The following ZDHHC14 variants were observed in gnomAD, a reference collection of about 807,000 sequenced individuals.
ZDHHC14 encodes palmitoyltransferase ZDHHC14.
In ZDHHC14, 16 loss-of-function variants were observed where a neutral mutation model predicts 47.7. That is an observed-to-expected ratio of 0.34 (90% CI 0.23 to 0.51). The LOEUF (loss-of-function observed/expected upper bound fraction) is 0.51, where lower values mean the gene tolerates loss of function less well. Ranked by LOEUF, ZDHHC14 falls within the 20% of genes least tolerant of loss-of-function variation. The probability of loss-of-function intolerance (pLI) is 0.97; values close to 1 mark genes in which losing one functional copy is unlikely to be tolerated. For synonymous variants in ZDHHC14, 293 were observed against 278.9 expected (o/e 1.05, Z -0.50); for missense variants, 515 against 662.5 (o/e 0.78, Z 2.44).
intron 2 of ZDHHC14, among the ~76,000 whole-genome samples, chr6:157,549,346 T>TA (rs1782126806): frequency 6.6e-6 from 1 of 152,186 alleles, no homozygotes; most frequent in African/African-American, 2.4e-5. Context: ...CCAGACAATC[T>TA]AACTCCCCTC....
intron 1 of ZDHHC14, among the ~76,000 whole-genome samples, chr6:157,469,116 G>A (rs907092232): frequency 1.3e-5 from 2 of 152,202 alleles, no homozygotes; most frequent in Non-Finnish European, 2.9e-5. Flanking sequence ...CTGCAGCTGG[G>A]ACAGCAGGCA....
intron 1 of ZDHHC14, among the ~76,000 whole-genome samples, chr6:157,477,267 C>G (rs1779511802): frequency 6.6e-6 from 1 of 152,136 alleles, no homozygotes; most frequent in Non-Finnish European, 1.5e-5. Context: ...GTAATCGCAG[C>G]TACTCGAGAG....
Position 157,653,531 on chromosome 6 carries a change from C to A in ZDHHC14, c.972C>A (p.Ile324=). The A allele has an allele frequency of 6.2e-7, 1 of 1,613,634 alleles. No homozygotes were observed. The highest frequency in any genetic ancestry group is 8.5e-7 in the Non-Finnish European group (1 of 1,179,868). The change falls in exon 8 of 9, where the codon ATC becomes ATA. Residue 324 remains isoleucine, a synonymous_variant. Transcript: ENST00000359775. ...ALCGPISPSL[I]DRRGYIQPDT... is the part of the protein sequence containing the mutation. ...GTTTTCTTTTCTCTCGCAGCCTGATCGACAGAAGAGGGTACATCCAGCCCG... is the reference window on the plus strand; with the variant it reads ...GTTTTCTTTTCTCTCGCAGCCTGATAGACAGAAGAGGGTACATCCAGCCCG...
chr6:157,638,311 A>C (rs1210970556), intron 5 of ZDHHC14, among the ~76,000 whole-genome samples: 6 of 151,692 alleles, frequency 4.0e-5, no homozygotes, highest in African/African-American at 1.2e-4. Flanking sequence ...TCCTCCTCCT[A>C]CTCCTTCCTT....
chr6:157,659,722 G>C lies in ZDHHC14; in HGVS notation c.1068+6095G>C, dbSNP rs376622033. 4.5e-4 allele frequency among the ~76,000 whole-genome samples: 68 copies of C among 152,326 alleles called. 1 individual carries two copies. The highest frequency in any genetic ancestry group is 1.3e-3 in the African/African-American group (56 of 41,580). ...GCCTTGGAAAGCCTGCAGCACCGTC[G>C]CTAAGAGCAAGTGGTCTGGCAAGTT... On this transcript the variant is annotated intron_variant, in intron 8 of 8. Coordinates refer to ENST00000359775, the MANE Select transcript of ZDHHC14 (RefSeq NM_024630.3).
Position 157,569,441 on chromosome 6 carries a change from G to A in ZDHHC14, c.407-23547G>A, listed in dbSNP as rs983531182. ...AAAGGCTGTATTTATCAGATACTAAGTCTTAGAAAATTTGTCTATTGGGGA... is the reference window on the plus strand; with the variant it reads ...AAAGGCTGTATTTATCAGATACTAAATCTTAGAAAATTTGTCTATTGGGGA... On this transcript the variant is annotated intron_variant, in intron 2 of 8. Transcript: ENST00000359775. Among the ~76,000 whole-genome samples the A allele has an allele frequency of 9.2e-5, 14 of 151,990 alleles. No homozygotes were observed. In the East Asian group the frequency reaches 2.7e-3, roughly 29 times the overall value.
In ZDHHC14 at chr6:157,673,174, G is replaced by C; in HGVS notation, c.*52G>C. On this transcript the variant is annotated 3_prime_UTR_variant, in exon 9 of 9. Transcript: ENST00000359775. This position sits in a 1 kb window ranked among gnomAD's most constrained non-coding sequence, Gnocchi z 5.4. ...CCAGAGGCTCCTCCATGGGCAGCAGGAGTGAGCGGAGGGGTGTGTCCCACA... is the reference window on the plus strand; with the variant it reads ...CCAGAGGCTCCTCCATGGGCAGCAGCAGTGAGCGGAGGGGTGTGTCCCACA... 6.6e-7 allele frequency: 1 copy of C among 1,505,464 alleles called. No individual in the cohort carries two copies. The allele number at this position is 1,505,464 out of a possible 1,614,324, so 93.3% of individuals were successfully genotyped here.
intron 4 of ZDHHC14, 95 bp downstream of exon 4, chr6:157,628,581 G>A: frequency 5.3e-6 from 8 of 1,497,780 alleles, no homozygotes; most frequent in Non-Finnish European, 7.2e-6. Context: ...GTCATTTCGG[G>A]CTTTCTCTTT....
At chr6:157,592,724 G>T (rs1416780957) in intron 2 of ZDHHC14, 4 of 1,220,878 alleles carry the variant, frequency 3.3e-6, no homozygotes, top group Non-Finnish European at 4.1e-6. Flanking sequence ...GCTCCACAGG[G>T]AGGGCCTGGC....
intron 2 of ZDHHC14, among the ~76,000 whole-genome samples, chr6:157,587,073 A>G (rs1783724969): frequency 1.3e-5 from 2 of 152,262 alleles, no homozygotes; most frequent in Admixed American, 1.3e-4. Flanking sequence ...GCATTTTAAA[A>G]TATTCACCTT....
intron 2 of ZDHHC14, among the ~76,000 whole-genome samples, chr6:157,554,867 G>A (rs1782392280): frequency 6.6e-6 from 1 of 152,214 alleles, no homozygotes; most frequent in Admixed American, 6.5e-5. Context: ...TGCCTCAGCT[G>A]TTGACTTCTT....
intron 3 of ZDHHC14, among the ~76,000 whole-genome samples, chr6:157,622,763 T>A (rs573486063): frequency 6.6e-6 from 1 of 152,262 alleles, no homozygotes; most frequent in East Asian, 1.9e-4. Flanking sequence ...GTGCTTGGCA[T>A]GCCTAGAATC....
intron 3 of ZDHHC14, among the ~76,000 whole-genome samples, chr6:157,601,643 T>G (rs1190537847): frequency 6.6e-6 from 1 of 152,130 alleles, no homozygotes; most frequent in Non-Finnish European, 1.5e-5. Context: ...TAGAAGAATA[T>G]ACAAACAACA....
intron 8 of ZDHHC14, among the ~76,000 whole-genome samples, chr6:157,665,417 A>G (rs1778511908): frequency 6.6e-6 from 1 of 152,162 alleles, no homozygotes; most frequent in African/African-American, 2.4e-5. Flanking sequence ...GAGCCTCTGG[A>G]GACAGATTTA....
At chr6:157,465,296 G>A (rs1779185924) in intron 1 of ZDHHC14, among the ~76,000 whole-genome samples, 1 of 151,928 alleles carries the variant, frequency 6.6e-6, no homozygotes, top group African/African-American at 2.4e-5. Context: ...GTACATTTAG[G>A]TGCCTACTCT....
chr6:157,383,655 C>T (rs982513302), intron 1 of ZDHHC14, among the ~76,000 whole-genome samples: 1 of 152,204 alleles, frequency 6.6e-6, no homozygotes, highest in South Asian at 2.1e-4. Context: ...CTGATTTAAG[C>T]GAATTCCCCT....
chr6:157,558,642 T>A (rs1019164061), intron 2 of ZDHHC14, among the ~76,000 whole-genome samples: 1 of 152,160 alleles, frequency 6.6e-6, no homozygotes, highest in African/African-American at 2.4e-5. Flanking sequence ...GTTTTATGTC[T>A]TCTGTTTGGG....
At chr6:157,616,583 C>T (rs957485285) in intron 3 of ZDHHC14, among the ~76,000 whole-genome samples, 1 of 152,258 alleles carries the variant, frequency 6.6e-6, no homozygotes. Context: ...CACTCCACTC[C>T]CAGGTGCACC....
At chr6:157,452,841 T>C (rs1778834700) in intron 1 of ZDHHC14, among the ~76,000 whole-genome samples, 1 of 151,962 alleles carries the variant, frequency 6.6e-6, no homozygotes. Context: ...TAGCTGGGAC[T>C]ACAGGCATGC....
Sources: allele counts gnomAD v4.1 joint callset (sites outside exome capture counted in the v4.1 genomes callset), GRCh38; gene constraint gnomAD v4.1.1; non-coding constraint Gnocchi (gnomAD v3.1); transcripts MANE v1.5; gene names NCBI Gene and HGNC (gene_info 2026-07-23, HGNC 2026-07-21).